Variants in AGMO observed in about 807,000 individuals in gnomAD.
AGMO encodes glyceryl-ether monooxygenase.
Under a neutral mutation model 60.2 loss-of-function variants are expected in AGMO, and 75 were observed. The ratio of observed to expected loss-of-function variants is 1.25; its 90% CI spans 1.03 to 1.51. AGMO has a LOEUF of 1.51. AGMO is among the 40% of genes most tolerant of loss of function. AGMO has a pLI of 0.00. For missense variants in AGMO, 763 were observed against 525.5 expected, an observed-to-expected ratio of 1.45 and a Z score of -4.42; for synonymous variants, 261 against 177.1, an observed-to-expected ratio of 1.47 and a Z score of -3.76.
intron 12 of AGMO, among the ~76,000 whole-genome samples, chr7:15,309,865 T>C (rs574094033): frequency 6.6e-6 from 1 of 152,188 alleles, no homozygotes; most frequent in South Asian, 2.1e-4. Context: ...TGTTATCTAT[T>C]GGAAAGTATA....
At chr7:15,369,193 C>T (rs1562464088) in intron 10 of AGMO, among the ~76,000 whole-genome samples, 1 of 151,982 alleles carries the variant, frequency 6.6e-6, no homozygotes, top group Admixed American at 6.6e-5. Flanking sequence ...GATGATCTCC[C>T]CAACAATTGT....
chr7:15,509,752 G>T (rs986568001), intron 3 of AGMO, among the ~76,000 whole-genome samples: 3 of 152,084 alleles, frequency 2.0e-5, no homozygotes, highest in African/African-American at 7.2e-5. Context: ...ATGGGCAAAG[G>T]ACCTGAATAG....
intron 12 of AGMO, among the ~76,000 whole-genome samples, chr7:15,209,306 C>T (rs1781519215): frequency 6.6e-6 from 1 of 152,050 alleles, no homozygotes; most frequent in South Asian, 2.1e-4. Flanking sequence ...TGCAATACTG[C>T]TTATCCAGGA....
chr7:15,544,278 C>T (rs548205069), intron 3 of AGMO, among the ~76,000 whole-genome samples: 1 of 151,926 alleles, frequency 6.6e-6, no homozygotes, highest in Non-Finnish European at 1.5e-5. Context: ...GTACAATGCT[C>T]GGGTGATAGG....
chr7:15,544,140 T>C (rs532339522), intron 3 of AGMO, among the ~76,000 whole-genome samples: 3 of 151,900 alleles, frequency 2.0e-5, no homozygotes, highest in East Asian at 2.0e-4. Flanking sequence ...AAACATCATA[T>C]GTTCTCACTC....
chr7:15,493,122 T>C (rs896741344), intron 3 of AGMO, among the ~76,000 whole-genome samples: 3 of 152,206 alleles, frequency 2.0e-5, no homozygotes, highest in African/African-American at 7.2e-5. Flanking sequence ...CAAATTGCTG[T>C]AATAAAGGTT....
chr7:15,446,167 G>A (rs1781692872), intron 3 of AGMO, among the ~76,000 whole-genome samples: 1 of 152,186 alleles, frequency 6.6e-6, no homozygotes, highest in Non-Finnish European at 1.5e-5. Flanking sequence ...TCAAATAACA[G>A]CGAGTAATGG....
At chr7:15,199,750 T>C (rs1317636861), downstream of AGMO, among the ~76,000 whole-genome samples, 1 of 152,198 alleles carries the variant, frequency 6.6e-6, no homozygotes, top group Non-Finnish European at 1.5e-5. Flanking sequence ...CAGGATTCAA[T>C]ATATGTTATA....
intron 10 of AGMO, among the ~76,000 whole-genome samples, chr7:15,380,461 A>G (rs1416260048): frequency 8.5e-5 from 13 of 152,144 alleles, no homozygotes; most frequent in Non-Finnish European, 1.9e-4. Context: ...CAGGGAGGTG[A>G]AAGATCTCTA....
chr7:15,306,559 A>C (rs1780620337), intron 12 of AGMO: 1 of 411,838 alleles, frequency 2.4e-6, no homozygotes, highest in Non-Finnish European at 4.8e-6. Flanking sequence ...CTTATAACAG[A>C]ATATGACTGT....
chr7:15,354,334 G>C (rs1226840567), intron 12 of AGMO, among the ~76,000 whole-genome samples: 3,845 of 72,010 alleles, frequency 0.053, 569 homozygotes, highest in Middle Eastern at 0.057. Context: ...ACGTACGCGT[G>C]TATATACACG....
chr7:15,176,905 G>A, the AGMO span, among the ~76,000 whole-genome samples: 1 of 151,914 alleles, frequency 6.6e-6, no homozygotes, highest in African/African-American at 2.4e-5. Context: ...AATAGTTTCT[G>A]GGACCAAGAG....
chr7:15,322,633 TATATATAA>T lies in AGMO; in HGVS notation c.1263+42873_1263+42880del, dbSNP rs1290682337. Reference sequence around the variant, plus strand: ...ATATAAATATATAAATATATATAAATATATATAAATATATAAATATATATATAAATATA... The same window carrying T: ...ATATAAATATATAAATATATATAAATATATATAAATATATATATAAATATA... On this transcript the variant is annotated intron_variant, in intron 12 of 12. Transcript: ENST00000342526. Among the ~76,000 whole-genome samples, 9 of 63,484 alleles carry T rather than the reference TATATATAA, an allele frequency of 1.4e-4. 1 individual carries two copies. Among genetic ancestry groups the T allele is most frequent in the East Asian group, 1.2e-3 (3 of 2,556 alleles). The allele number at this position is 63,484 out of a possible 152,430, so 41.6% of individuals were successfully genotyped here.
chr7:15,237,211 G>GT (rs1461257251), intron 12 of AGMO, among the ~76,000 whole-genome samples: 2 of 152,136 alleles, frequency 1.3e-5, no homozygotes, highest in African/African-American at 4.8e-5. Flanking sequence ...CAGCAGCTGA[G>GT]ATCCAGTAAG....
chr7:15,224,455 C>T (rs1028681979), intron 12 of AGMO, among the ~76,000 whole-genome samples: 1 of 151,978 alleles, frequency 6.6e-6, no homozygotes, highest in Admixed American at 6.6e-5. Flanking sequence ...CTCTCTCTCT[C>T]TCTCCTCTCA....
chr7:15,128,541 T>C, the AGMO span, among the ~76,000 whole-genome samples: 2 of 152,114 alleles, frequency 1.3e-5, no homozygotes, highest in African/African-American at 2.4e-5. Flanking sequence ...AGCTCTCTAA[T>C]TGAAGACAAG....
chr7:15,275,477 C>A (rs984083346), intron 12 of AGMO, among the ~76,000 whole-genome samples: 6 of 151,692 alleles, frequency 4.0e-5, no homozygotes, highest in African/African-American at 1.5e-4. Flanking sequence ...GTGGTTGACT[C>A]TGGAGAATGT....
intron 5 of AGMO, among the ~76,000 whole-genome samples, chr7:15,412,249 A>T (rs1274925950): frequency 6.6e-6 from 1 of 152,094 alleles, no homozygotes; most frequent in African/African-American, 2.4e-5. Context: ...TCTCATAAAT[A>T]TATCTCCAGA....
At chr7:15,134,780 G>A in the AGMO span, among the ~76,000 whole-genome samples, 1 of 151,086 alleles carries the variant, frequency 6.6e-6, no homozygotes, top group Non-Finnish European at 1.5e-5. Context: ...GGAAGGGGAA[G>A]AAAGCAGTTT....
Sources: allele counts gnomAD v4.1 joint callset (sites outside exome capture counted in the v4.1 genomes callset), GRCh38; gene constraint gnomAD v4.1.1; transcripts MANE v1.5; gene names NCBI Gene and HGNC (gene_info 2026-07-23, HGNC 2026-07-21).